Variants in CLASP2 observed in about 807,000 individuals in gnomAD.
The protein encoded by CLASP2 is CLIP-associating protein 2.
In CLASP2, 47 loss-of-function variants were observed where a neutral mutation model predicts 194.4. That is an observed-to-expected ratio of 0.24 (90% CI 0.19 to 0.31). The LOEUF (loss-of-function observed/expected upper bound fraction) is 0.31. Among genes scored for constraint, CLASP2 ranks in the 10% least tolerant of loss-of-function variants. The probability of loss-of-function intolerance (pLI) is 1.00; values close to 1 mark genes in which losing one functional copy is unlikely to be tolerated. For missense variants in CLASP2, 1,445 were observed against 1,823.6 expected (o/e 0.79, Z 3.78); for synonymous variants, 619 against 633.5 (o/e 0.98, Z 0.34).
intron 22 of CLASP2, among the ~76,000 whole-genome samples, chr3:33,582,664 A>C (rs1267587083): frequency 6.6e-6 from 1 of 152,180 alleles, no homozygotes; most frequent in Non-Finnish European, 1.5e-5. Context: ...TCTCTAAAAC[A>C]AACAAAAACA....
At chr3:33,679,603 G>C (rs2089445387) in intron 6 of CLASP2, among the ~76,000 whole-genome samples, 2 of 152,174 alleles carry the variant, frequency 1.3e-5, no homozygotes, top group Non-Finnish European at 2.9e-5. Flanking sequence ...CACCAGAGAA[G>C]ATATACAGAT....
At position 33,641,688 on chromosome 3, in the gene CLASP2, G is replaced by A. The variant is rs758962229; in HGVS notation, c.862+3069C>T. The stretch of plus-strand genomic sequence containing the variant: ...CTAATCTGGATATATATCTCTAGAA[G>A]AAGTAAAATACATTCCCAAACTACA... On this transcript the variant is annotated intron_variant, in intron 8 of 38. Transcript: ENST00000682230. 1.2e-3 allele frequency among the ~76,000 whole-genome samples: 184 copies of A among 151,318 alleles called. 2 individuals carry two copies. Among genetic ancestry groups the A allele is most frequent in the Middle Eastern group, 3.5e-3 (1 of 284 alleles).
Position 33,629,998 on chromosome 3 carries a change from G to C in CLASP2, c.942+2294C>G, listed in dbSNP as rs4130057. On this transcript the variant is annotated intron_variant, in intron 9 of 38. Transcript: ENST00000682230. ...TGAAATCGTGCAGAAGTAGTTGTTA[G>C]AGTACTTAAAAAAGCAAGGAGATCC... Among the ~76,000 whole-genome samples, 196 of 152,260 alleles carry C rather than the reference G, an allele frequency of 1.3e-3. 4 individuals carry two copies. In the East Asian group the frequency reaches 0.023, roughly 18 times the overall value.
rs1355981356 is a variant in CLASP2 at position 33,573,259 on chromosome 3, A to G, written c.2550T>C (p.Tyr850=). The G allele has an allele frequency of 6.2e-7, 1 of 1,613,926 alleles. No individual in the cohort carries two copies. Among genetic ancestry groups the G allele is most frequent in the South Asian group, 1.1e-5 (1 of 91,082 alleles). ...TAGGAATACTACCATTTCGAGAACT[A>G]TAGGAGCGTTCTGAACAAGCACTAG... ...DASSACSERS[Y]SSRNGSIPTY... The change falls in exon 25 of 39, where the codon TAT becomes TAC. Residue 850 remains tyrosine (Y), a synonymous_variant. Transcript: ENST00000682230.
chr3:33,630,262 G>A (rs1246565631), intron 9 of CLASP2, among the ~76,000 whole-genome samples: 14 of 152,072 alleles, frequency 9.2e-5, no homozygotes. Flanking sequence ...GCATATGTAC[G>A]AATAATTCCT....
rs188779611 is a variant in CLASP2 at position 33,589,673 on chromosome 3, T to A, written c.2068+2722A>T. 1.7e-3 allele frequency among the ~76,000 whole-genome samples: 252 copies of A among 152,202 alleles called. 3 individuals are homozygous for A. The highest frequency in any genetic ancestry group is 5.8e-3 in the African/African-American group (240 of 41,560). The stretch of plus-strand genomic sequence containing the variant: ...TGGTCTAAGAAAGTCAATTACTGTG[T>A]TTTCACAATTTAGGAGAAGATGTGG... On this transcript the variant is annotated intron_variant, in intron 21 of 38. Coordinates refer to ENST00000682230, the MANE Select transcript of CLASP2 (RefSeq NM_001365631.1).
At chr3:33,695,197 G>T (rs1422085604) in intron 2 of CLASP2, among the ~76,000 whole-genome samples, 2 of 148,246 alleles carry the variant, frequency 1.3e-5, no homozygotes, top group Non-Finnish European at 3.0e-5. Context: ...TAGGACTACA[G>T]GCACACACCA....
rs2061439905 is a variant in CLASP2, at chr3:33,559,400, A to C, written c.2931-15T>G. The C allele has an allele frequency of 2.6e-6, 4 of 1,526,230 alleles. No homozygotes were observed. The highest frequency in any genetic ancestry group is 1.4e-5 in the African/African-American group (1 of 72,838). 94.5% of individuals were successfully genotyped at this position (1,526,230 alleles called of 1,614,324 possible). Reference sequence around the variant, plus strand: ...GAAAAGACTCTCTGAAACAAGAACAAAGCAAAACGAAACAAAAATTTAGTT... The same window carrying C: ...GAAAAGACTCTCTGAAACAAGAACACAGCAAAACGAAACAAAAATTTAGTT... On this transcript the variant is annotated splice_polypyrimidine_tract_variant and intron_variant, in intron 28 of 38. Coordinates refer to ENST00000682230, the MANE Select transcript of CLASP2 (RefSeq NM_001365631.1).
chr3:33,507,970 ATG>A (rs200800633), intron 37 of CLASP2, among the ~76,000 whole-genome samples: 8 of 149,100 alleles, frequency 5.4e-5, no homozygotes, highest in African/African-American at 1.7e-4. Flanking sequence ...ATATATATAT[ATG>A]TGTGTGTGTG....
intron 2 of CLASP2, among the ~76,000 whole-genome samples, chr3:33,695,208 G>C: frequency 7.1e-6 from 1 of 141,478 alleles, no homozygotes; most frequent in South Asian, 2.2e-4. Flanking sequence ...GCACACACCA[G>C]TAAGCCTGCT....
chr3:33,633,938 CAA>C (rs1229924731), intron 8 of CLASP2, among the ~76,000 whole-genome samples: 2 of 152,052 alleles, frequency 1.3e-5, no homozygotes, highest in Non-Finnish European at 2.9e-5. Context: ...AGATATTTAA[CAA>C]GAGATAACAG....
At chr3:33,600,823 A>G (rs1362006833) in intron 18 of CLASP2, among the ~76,000 whole-genome samples, 1 of 152,220 alleles carries the variant, frequency 6.6e-6, no homozygotes, top group African/African-American at 2.4e-5. Flanking sequence ...AACGTTATTA[A>G]AAACATAATT....
intron 1 of CLASP2, among the ~76,000 whole-genome samples, chr3:33,699,571 C>T (rs1441761217): frequency 2.0e-5 from 3 of 152,018 alleles, no homozygotes; most frequent in African/African-American, 7.3e-5. Flanking sequence ...TAGTAGTCCC[C>T]CCTTATCTGT....
chr3:33,623,231 C>A (rs1203952896), intron 10 of CLASP2, among the ~76,000 whole-genome samples: 1 of 152,120 alleles, frequency 6.6e-6, no homozygotes, highest in African/African-American at 2.4e-5. Context: ...CTGGGGTATC[C>A]ATCACCTCAA....
chr3:33,558,446 G>A (rs1243365059), intron 29 of CLASP2: 1 of 151,752 alleles, frequency 6.6e-6, no homozygotes. Flanking sequence ...GAAAAATATA[G>A]GACTCGTATA....
chr3:33,642,363 G>A (rs1301487040), intron 8 of CLASP2, among the ~76,000 whole-genome samples: 1 of 151,622 alleles, frequency 6.6e-6, no homozygotes, highest in Non-Finnish European at 1.5e-5. Context: ...AATGCTTAGG[G>A]TAAAATATAA....
At chr3:33,602,613 A>T in intron 18 of CLASP2, 1 of 750,154 alleles carries the variant, frequency 1.3e-6, no homozygotes, top group South Asian at 1.4e-5. Flanking sequence ...GAGAAGTAGG[A>T]GAAAGAAAAC....
intron 5 of CLASP2, among the ~76,000 whole-genome samples, chr3:33,685,157 A>G (rs537725983): frequency 2.4e-4 from 37 of 151,530 alleles, no homozygotes; most frequent in African/African-American, 7.2e-4. Flanking sequence ...CCTGGCTACC[A>G]CGGTGAAACC....
intron 25 of CLASP2, among the ~76,000 whole-genome samples, chr3:33,572,015 C>T (rs1405306165): frequency 1.3e-5 from 2 of 152,196 alleles, no homozygotes; most frequent in Non-Finnish European, 2.9e-5. Flanking sequence ...TTACATATGG[C>T]ATTCCCAATA....
Sources: gnomAD v4.1 joint callset for allele counts (sites outside exome capture counted in the v4.1 genomes callset) on GRCh38, gnomAD v4.1.1 for gene constraint, MANE v1.5 for transcripts, NCBI Gene and HGNC (gene_info 2026-07-23, HGNC 2026-07-21) for gene names.